Variants in AASDHPPT observed in about 807,000 individuals in gnomAD.
AASDHPPT encodes the protein L-aminoadipate-semialdehyde dehydrogenase-phosphopantetheinyl transferase.
In AASDHPPT, 23 loss-of-function variants were observed where a neutral mutation model predicts 36.4. That is an observed-to-expected ratio of 0.63 (90% CI 0.45 to 0.89). The LOEUF (loss-of-function observed/expected upper bound fraction) is 0.89, where lower values mean the gene tolerates loss of function less well. Among genes scored for constraint, AASDHPPT ranks in the 40% least tolerant of loss-of-function variants. AASDHPPT has a pLI of 0.00. For synonymous variants in AASDHPPT, 115 were observed against 128.0 expected (o/e 0.90, Z 0.68); for missense variants, 377 against 378.2 (o/e 1.00, Z 0.03).
rs1320163176 is a variant in AASDHPPT at position 106,079,652 on chromosome 11, G to A, written c.369G>A (p.Glu123=). ...ATGCAGTGCTTGCTGCTGAACCTGA[G>A]CTGCAAGTTGGAATTGATATAATGA... ...GDYAVLAAEP[E]LQVGIDIMKT... is the part of the protein sequence containing the mutation. The change falls in exon 2 of 6, where the codon GAG becomes GAA. Residue 123 remains glutamate, a synonymous_variant. Transcript: ENST00000278618. 6.2e-7 allele frequency: 1 copy of A among 1,614,088 alleles called. No individual in the cohort carries two copies. The highest frequency in any genetic ancestry group is 2.2e-5 in the East Asian group (1 of 44,870).
intron 4 of AASDHPPT, 79 bp downstream of exon 4, chr11:106,091,556 A>C: frequency 7.1e-7 from 1 of 1,416,582 alleles, no homozygotes; most frequent in Non-Finnish European, 9.4e-7. Flanking sequence ...TGGGTAAGCT[A>C]GTCACTGAAT....
intron 2 of AASDHPPT, among the ~76,000 whole-genome samples, chr11:106,080,753 C>G (rs1861130338): frequency 6.6e-6 from 1 of 152,246 alleles, no homozygotes; most frequent in South Asian, 2.1e-4. Flanking sequence ...GTAAAACTAT[C>G]TAATCTCCAT....
chr11:106,082,108 C>T (rs1230868524), intron 2 of AASDHPPT, among the ~76,000 whole-genome samples: 2 of 152,068 alleles, frequency 1.3e-5, no homozygotes, highest in African/African-American at 4.8e-5. Context: ...CCTCCCCCCA[C>T]CAGTTTTTTT....
chr11:106,078,915 A>C (rs975941673), intron 1 of AASDHPPT, among the ~76,000 whole-genome samples: 4 of 152,178 alleles, frequency 2.6e-5, no homozygotes, highest in African/African-American at 9.7e-5. Context: ...GGTGATCAAT[A>C]TATGGGATCT....
At chr11:106,083,393 T>G (rs1267167373) in intron 2 of AASDHPPT, among the ~76,000 whole-genome samples, 1 of 152,218 alleles carries the variant, frequency 6.6e-6, no homozygotes, top group African/African-American at 2.4e-5. Flanking sequence ...TAACCACTGC[T>G]CTCTACAGTA....
At chr11:106,079,787 TATTTC>T (rs1279953160) in intron 2 of AASDHPPT, 95 bp downstream of exon 2, 1 of 1,109,998 alleles carries the variant, frequency 9.0e-7, no homozygotes, top group Non-Finnish European at 1.3e-6. Flanking sequence ...GTATTAGAGA[TATTTC>T]AGTTTAGGGA....
intron 4 of AASDHPPT, chr11:106,092,659 C>A (rs1427648789): frequency 6.6e-6 from 1 of 152,018 alleles, no homozygotes; most frequent in Non-Finnish European, 1.5e-5. Context: ...TATATATGGT[C>A]CCCAGTTTAT....
chr11:106,090,510 A>AT, intron 2 of AASDHPPT, 47 bp from the exon 3 acceptor site: 2 of 1,488,444 alleles, frequency 1.3e-6, no homozygotes, highest in Non-Finnish European at 1.8e-6. Flanking sequence ...GCAACTTTTT[A>AT]TTTTTTAATA....
chr11:106,094,533 C>A, intron 4 of AASDHPPT, 50 bp from the exon 5 acceptor site: 1 of 1,344,256 alleles, frequency 7.4e-7, no homozygotes, highest in Non-Finnish European at 1.0e-6. Flanking sequence ...AAAGTTACAT[C>A]TAGGTTTACA....
chr11:106,085,411 A>T (rs1230897085), intron 2 of AASDHPPT, among the ~76,000 whole-genome samples: 1 of 152,192 alleles, frequency 6.6e-6, no homozygotes, highest in Non-Finnish European at 1.5e-5. Flanking sequence ...AGTTTTATTA[A>T]CACTTACTAG....
chr11:106,080,618 A>G (rs1267266513), intron 2 of AASDHPPT, among the ~76,000 whole-genome samples: 1 of 152,210 alleles, frequency 6.6e-6, no homozygotes, highest in Admixed American at 6.5e-5. Context: ...AGTGCTTTAG[A>G]CATATTCTGT....
chr11:106,086,606 CA>C (rs1861200661), intron 2 of AASDHPPT, among the ~76,000 whole-genome samples: 1 of 152,152 alleles, frequency 6.6e-6, no homozygotes, highest in Admixed American at 6.5e-5. Flanking sequence ...CCAGCATTAG[CA>C]ATTCTCAGCC....
chr11:106,096,705 G>T, intron 5 of AASDHPPT, 38 bp from the exon 6 acceptor site: 1 of 1,464,394 alleles, frequency 6.8e-7, no homozygotes, highest in South Asian at 1.4e-5. Context: ...AGATTAACAT[G>T]CAATATAACA....
At chr11:106,091,259 TC>T in intron 3 of AASDHPPT, 56 bp from the exon 4 acceptor site, 2 of 1,491,754 alleles carry the variant, frequency 1.3e-6, no homozygotes, top group Non-Finnish European at 1.8e-6. Flanking sequence ...ACCTGTAGAT[TC>T]TATGAAAAAT....
Position 106,098,445 on chromosome 11 carries a change from G to T in AASDHPPT, c.*1538G>T, listed in dbSNP as rs1160420390. 6.6e-6 allele frequency: 1 copy of T among 151,692 alleles called. No homozygotes were observed. The allele number at this position is 151,692 out of a possible 1,614,324, so 9.4% of individuals were successfully genotyped here. A position where few individuals can be genotyped will look rare whatever the true frequency, so the allele number is the denominator to read the frequency against. ...TATCAAGAAGTAAAATAATTTCATT[G>T]TTTCTGTTACTAACATTAAAAGTGT... On this transcript the variant is annotated 3_prime_UTR_variant, in exon 6 of 6. Transcript: ENST00000278618.
chr11:106,096,976 C>A lies in AASDHPPT; in HGVS notation c.*69C>A. On this transcript the variant is annotated 3_prime_UTR_variant, in exon 6 of 6. Transcript: ENST00000278618. ...TTCCGTATTCACTGAAAAATAAATG[C>A]TTGTTTAGTATCAAATTTTATTTCA... is the stretch of plus-strand genomic sequence containing the variant. The A allele has an allele frequency of 1.4e-6, 2 of 1,394,906 alleles. No homozygotes were observed. Among genetic ancestry groups the A allele is most frequent in the Non-Finnish European group, 1.9e-6 (2 of 1,047,936 alleles). The allele number at this position is 1,394,906 out of a possible 1,614,324, so 86.4% of individuals were successfully genotyped here.
chr11:106,094,993 C>G (rs1190204856), intron 5 of AASDHPPT, among the ~76,000 whole-genome samples: 1 of 151,898 alleles, frequency 6.6e-6, no homozygotes, highest in Non-Finnish European at 1.5e-5. Context: ...GGTGTGGTGG[C>G]GGGCGCCTGT....
chr11:106,078,722 TAA>T (rs1190456152), intron 1 of AASDHPPT, among the ~76,000 whole-genome samples: 1 of 152,230 alleles, frequency 6.6e-6, no homozygotes, highest in African/African-American at 2.4e-5. Flanking sequence ...CTGCAGTTTT[TAA>T]AAGTCAGTGT....
At position 106,098,068 on chromosome 11, in the gene AASDHPPT, T is replaced by A. The variant is rs889589614; in HGVS notation, c.*1161T>A. 1 of 152,110 alleles carries A rather than the reference T, an allele frequency of 6.6e-6. No individual in the cohort carries two copies. The highest frequency in any genetic ancestry group is 1.5e-5 in the Non-Finnish European group (1 of 67,960). The allele number at this position is 152,110 out of a possible 1,614,324, so 9.4% of individuals were successfully genotyped here. On this transcript the variant is annotated 3_prime_UTR_variant, in exon 6 of 6. Transcript: ENST00000278618. Reference sequence around the variant, plus strand: ...GGGCTTTAATTATACAATTTACCCCTCTAATTAGTACTATATGTATGTGAC... The same window carrying A: ...GGGCTTTAATTATACAATTTACCCCACTAATTAGTACTATATGTATGTGAC...
Sources: gnomAD v4.1 joint callset for allele counts (sites outside exome capture counted in the v4.1 genomes callset) on GRCh38, gnomAD v4.1.1 for gene constraint, MANE v1.5 for transcripts, NCBI Gene and HGNC (gene_info 2026-07-23, HGNC 2026-07-21) for gene names.